Variants in TSNAX observed in about 807,000 individuals in gnomAD.
TSNAX encodes the protein translin associated factor X, also known as translin-associated protein X.
TSNAX carries 12 observed loss-of-function variants against 33.0 expected under a neutral mutation model. The ratio of observed to expected loss-of-function variants is 0.36; its 90% CI spans 0.23 to 0.59. TSNAX has a LOEUF of 0.59. TSNAX is among the 20% of genes least tolerant of loss of function. TSNAX has a pLI of 0.74. For missense variants in TSNAX, 267 were observed against 341.3 expected (o/e 0.78, Z 1.72); for synonymous variants, 110 against 117.2 (o/e 0.94, Z 0.40).
In TSNAX at chr1:231,529,343, G is replaced by A; in HGVS notation, c.105G>A (p.Val35=). 1.2e-6 allele frequency: 2 copies of A among 1,614,130 alleles called. No homozygotes were observed. The highest frequency in any genetic ancestry group is 2.2e-5 in the South Asian group (2 of 91,068). ...EGKDVNSSSP[V]MLAFKSFQQE... ...AGGATGTTAATTCATCTTCACCCGT[G>A]ATGTTGGCCTTTAAATGTAAGTTCT... Residue 35 remains valine, a synonymous_variant, in exon 2 of 6, where the codon GTG becomes GTA. Transcript: ENST00000366639.
intron 4 of TSNAX, among the ~76,000 whole-genome samples, chr1:231,544,184 G>C (rs1164095202): frequency 6.6e-6 from 1 of 152,158 alleles, no homozygotes; most frequent in Admixed American, 6.5e-5. Context: ...AGGTCTCTTA[G>C]TTTCTGGAAA....
intron 4 of TSNAX, among the ~76,000 whole-genome samples, chr1:231,547,671 C>A (rs1615409): frequency 0.48 from 72,371 of 150,978 alleles, 19,032 homozygotes; most frequent in African/African-American, 0.71. Flanking sequence ...GATTACAGGC[C>A]TGAGCCACCG....
At chr1:231,549,536 T>TA (rs1245716990) in intron 4 of TSNAX, among the ~76,000 whole-genome samples, 1 of 152,218 alleles carries the variant, frequency 6.6e-6, no homozygotes, top group Admixed American at 6.5e-5. Context: ...ACCTGAGCAA[T>TA]AAATATAATC....
chr1:231,555,067 C>G (rs1405249711), intron 4 of TSNAX, among the ~76,000 whole-genome samples: 1 of 152,012 alleles, frequency 6.6e-6, no homozygotes, highest in African/African-American at 2.4e-5. Flanking sequence ...GGGTGATACC[C>G]CTAAATAATT....
At chr1:231,547,266 G>A (rs1242486740) in intron 4 of TSNAX, among the ~76,000 whole-genome samples, 2 of 151,876 alleles carry the variant, frequency 1.3e-5, no homozygotes, top group Non-Finnish European at 2.9e-5. Context: ...TATTGGAATT[G>A]GAATCCGACT....
chr1:231,556,060 A>G (rs772953258), intron 4 of TSNAX, among the ~76,000 whole-genome samples: 1 of 152,238 alleles, frequency 6.6e-6, no homozygotes, highest in Non-Finnish European at 1.5e-5. Flanking sequence ...AATGAATGTT[A>G]TTGAACAAAG....
intron 4 of TSNAX, among the ~76,000 whole-genome samples, chr1:231,546,812 A>T (rs546325062): frequency 1.3e-5 from 2 of 152,268 alleles, no homozygotes; most frequent in African/African-American, 4.8e-5. Flanking sequence ...CTCTGCTGTT[A>T]CCAGTACATG....
intron 2 of TSNAX, among the ~76,000 whole-genome samples, chr1:231,530,684 C>T (rs1354805390): frequency 2.7e-5 from 4 of 149,114 alleles, no homozygotes; most frequent in Admixed American, 6.7e-5. Flanking sequence ...GCACTCCAGC[C>T]TGGGCAACAG....
intron 5 of TSNAX, 80 bp from the exon 6 acceptor site, chr1:231,564,446 CAT>C: frequency 8.0e-6 from 12 of 1,503,416 alleles, no homozygotes; most frequent in Non-Finnish European, 1.1e-5. Context: ...AAATGTGATA[CAT>C]GCTATATTCA....
At chr1:231,547,400 T>TC (rs1409436166) in intron 4 of TSNAX, among the ~76,000 whole-genome samples, 1 of 143,638 alleles carries the variant, frequency 7.0e-6, no homozygotes, top group Non-Finnish European at 1.5e-5. Flanking sequence ...TTTTTTTTTT[T>TC]TTTTTTTTGA....
At chr1:231,531,053 G>T (rs1658672496) in intron 2 of TSNAX, among the ~76,000 whole-genome samples, 1 of 151,660 alleles carries the variant, frequency 6.6e-6, no homozygotes, top group African/African-American at 2.4e-5. Flanking sequence ...CTGCCTCCTG[G>T]GCTCAAGCCA....
Position 231,555,967 on chromosome 1 carries a change from T to C in TSNAX, c.368-5161T>C, listed in dbSNP as rs1660665407. ...GAAAGATGAATAATTTTAAATTTCA[T>C]AGTTGCACAATGGAAGAGGGGAAAG... On this transcript the variant is annotated intron_variant, in intron 4 of 5. Coordinates refer to ENST00000366639, the MANE Select transcript of TSNAX (RefSeq NM_005999.3). 2.0e-5 allele frequency among the ~76,000 whole-genome samples: 3 copies of C among 152,166 alleles called. 1 individual carries two copies. In the South Asian group the frequency reaches 6.2e-4, roughly 32 times the overall value.
At chr1:231,540,173 CAAAAAAAAAA>C (rs10714707) in intron 3 of TSNAX, among the ~76,000 whole-genome samples, 21,165 of 70,914 alleles carry the variant, frequency 0.3, 1,738 homozygotes, top group East Asian at 0.41. Context: ...GACTCTGTCT[CAAAAAAAAAA>C]AAAAAAAAAA....
chr1:231,545,355 G>A (rs1259487469), intron 4 of TSNAX, among the ~76,000 whole-genome samples: 1 of 152,162 alleles, frequency 6.6e-6, no homozygotes, highest in Non-Finnish European at 1.5e-5. Flanking sequence ...GGCACGCAGA[G>A]CATTTCCCTA....
chr1:231,561,080 TACTA>T, intron 4 of TSNAX, 44 bp from the exon 5 acceptor site: 5 of 1,574,110 alleles, frequency 3.2e-6, no homozygotes, highest in Non-Finnish European at 4.3e-6. Flanking sequence ...ATGACATTCT[TACTA>T]ATTAAGTGCT....
chr1:231,544,749 T>C (rs1325333719), intron 4 of TSNAX, among the ~76,000 whole-genome samples: 1 of 152,202 alleles, frequency 6.6e-6, no homozygotes, highest in Non-Finnish European at 1.5e-5. Flanking sequence ...AAGCTGTACA[T>C]TGTCTTACAG....
intron 4 of TSNAX, among the ~76,000 whole-genome samples, chr1:231,552,342 G>A (rs1234666032): frequency 2.0e-5 from 3 of 152,166 alleles, no homozygotes; most frequent in Non-Finnish European, 2.9e-5. Context: ...CCAAATTAGT[G>A]GAATTCTATT....
chr1:231,537,228 T>G lies in TSNAX; in HGVS notation c.137T>G (p.Leu46Arg). 2 of 1,612,042 alleles carry G rather than the reference T, an allele frequency of 1.2e-6. No homozygotes were observed. The highest frequency in any genetic ancestry group is 1.7e-6 in the Non-Finnish European group (2 of 1,179,246). The change falls in exon 3 of 6, where the codon CTT (leucine) becomes CGT (arginine). Residue 46 changes from leucine to arginine, a missense_variant. This residue lies in a region of TSNAX where 200 missense variants were observed against 214.1 expected (regional missense o/e 0.93). Transcript: ENST00000366639. ...MLAFKSFQQE[L>R]DARHDKYERL... is the part of the protein sequence containing the mutation. Reference sequence around the variant, plus strand: ...GTGTTTTTAGCATTTCAGCAGGAACTTGATGCAAGGCATGACAAATATGAG... The same window carrying G: ...GTGTTTTTAGCATTTCAGCAGGAACGTGATGCAAGGCATGACAAATATGAG...
intron 4 of TSNAX, among the ~76,000 whole-genome samples, chr1:231,559,550 G>A (rs906684981): frequency 5.3e-5 from 8 of 152,076 alleles, no homozygotes; most frequent in African/African-American, 1.4e-4. Flanking sequence ...GGATGGTCTC[G>A]ATCTCCTGAC....
Sources: gnomAD v4.1 joint callset for allele counts (sites outside exome capture counted in the v4.1 genomes callset) on GRCh38, gnomAD v4.1.1 for gene constraint, gnomAD v4.1.1 regional missense constraint, MANE v1.5 for transcripts, NCBI Gene and HGNC (gene_info 2026-07-23, HGNC 2026-07-21) for gene names.